SCFD2: variants seen among roughly 807,000 people sequenced by gnomAD.
SCFD2 encodes the protein sec1 family domain containing 2.
Under a neutral mutation model 58.9 loss-of-function variants are expected in SCFD2, and 54 were observed. That is an observed-to-expected ratio of 0.92 (90% CI 0.74 to 1.15). The LOEUF (loss-of-function observed/expected upper bound fraction) is 1.15. SCFD2 is among the 50% of genes most tolerant of loss of function. The pLI is 0.00. For missense variants in SCFD2, 805 were observed against 836.6 expected, an observed-to-expected ratio of 0.96 and a Z score of 0.47; for synonymous variants, 321 against 335.9, an observed-to-expected ratio of 0.96 and a Z score of 0.49.
rs985304716 is a variant in SCFD2 at position 52,962,672 on chromosome 4, G to T, written c.1562-41802C>A. On this transcript the variant is annotated intron_variant, in intron 5 of 8. Transcript: ENST00000401642. ...TTAATGCTATGATGAAAATAGTTTA[G>T]AGGGGGGCAGCATTACTGAAACAGG... 4.8e-4 allele frequency among the ~76,000 whole-genome samples: 72 copies of T among 149,970 alleles called. 1 individual carries two copies. Among genetic ancestry groups the T allele is most frequent in the Non-Finnish European group, 4.1e-4 (28 of 67,604 alleles).
In SCFD2 at chr4:53,153,794, C is replaced by T. The variant is rs373358717; in HGVS notation, c.1312-8212G>A. ...ATTCCAACTTTAAGTAATTTTTTTGCTCCTATATCTGGTCATAGGTTGTTA... is the reference window on the plus strand; with the variant it reads ...ATTCCAACTTTAAGTAATTTTTTTGTTCCTATATCTGGTCATAGGTTGTTA... On this transcript the variant is annotated intron_variant, in intron 4 of 8. Transcript: ENST00000401642. Among the ~76,000 whole-genome samples, 103 of 152,174 alleles carry T rather than the reference C, an allele frequency of 6.8e-4. 2 individuals are homozygous for T. The East Asian group carries it at 0.018, about 26-fold the overall frequency.
At chr4:53,079,040 A>G (rs1016163284) in intron 5 of SCFD2, among the ~76,000 whole-genome samples, 7 of 152,310 alleles carry the variant, frequency 4.6e-5, no homozygotes, top group Admixed American at 3.9e-4. Context: ...GAAGTGGCTC[A>G]CATAACTATA....
intron 6 of SCFD2, among the ~76,000 whole-genome samples, chr4:52,915,510 T>C (rs1396410209): frequency 1.3e-5 from 2 of 152,190 alleles, no homozygotes; most frequent in Non-Finnish European, 2.9e-5. Context: ...AAGATGACTG[T>C]TTTTTCTCCT....
chr4:53,196,477 C>A (rs1480267630), intron 4 of SCFD2, among the ~76,000 whole-genome samples: 1 of 152,124 alleles, frequency 6.6e-6, no homozygotes, highest in African/African-American at 2.4e-5. Context: ...AAAGCAGATT[C>A]TTGTTATAAA....
At chr4:52,908,597 C>G (rs1719406007) in intron 6 of SCFD2, among the ~76,000 whole-genome samples, 1 of 152,172 alleles carries the variant, frequency 6.6e-6, no homozygotes, top group Non-Finnish European at 1.5e-5. Context: ...TGTGACTTGT[C>G]TGTAGCAACT....
chr4:53,231,948 CT>C (rs1405487456), intron 4 of SCFD2, among the ~76,000 whole-genome samples: 1 of 151,968 alleles, frequency 6.6e-6, no homozygotes, highest in African/African-American at 2.4e-5. Context: ...GATTTTATGT[CT>C]TTGTACTTTA....
intron 5 of SCFD2, among the ~76,000 whole-genome samples, chr4:53,074,778 C>T (rs75152615): frequency 0.017 from 2,557 of 152,186 alleles, 75 homozygotes; most frequent in African/African-American, 0.059. Context: ...CAGTAAGCCA[C>T]GCTGTAAACA....
At chr4:52,944,840 G>A (rs1720384080) in intron 5 of SCFD2, among the ~76,000 whole-genome samples, 1 of 152,152 alleles carries the variant, frequency 6.6e-6, no homozygotes, top group Admixed American at 6.6e-5. Context: ...TCCTTCTGAA[G>A]TCCCCTCCCT....
intron 5 of SCFD2, among the ~76,000 whole-genome samples, chr4:53,060,591 G>C (rs1723481395): frequency 6.6e-6 from 1 of 151,884 alleles, no homozygotes. Context: ...GGCTACCTTT[G>C]GTGTGATATC....
At chr4:53,340,028 C>T (rs935771552) in intron 2 of SCFD2, among the ~76,000 whole-genome samples, 4 of 152,144 alleles carry the variant, frequency 2.6e-5, no homozygotes, top group Admixed American at 2.0e-4. Context: ...GTCTACAGTT[C>T]CCAGTGAGAG....
intron 2 of SCFD2, among the ~76,000 whole-genome samples, chr4:53,334,646 A>C (rs1733617415): frequency 6.6e-6 from 1 of 151,528 alleles, no homozygotes; most frequent in Non-Finnish European, 1.5e-5. Context: ...GATATACCTA[A>C]TGCTAGATGA....
chr4:53,157,868 G>A (rs1035578792), intron 4 of SCFD2, among the ~76,000 whole-genome samples: 1 of 152,168 alleles, frequency 6.6e-6, no homozygotes, highest in Non-Finnish European at 1.5e-5. Context: ...TACGTTGTTA[G>A]AGAGAAAGGC....
intron 3 of SCFD2, among the ~76,000 whole-genome samples, chr4:53,298,275 C>G (rs1415828498): frequency 6.6e-6 from 1 of 152,206 alleles, no homozygotes; most frequent in Non-Finnish European, 1.5e-5. Flanking sequence ...ATGGGCTTAT[C>G]AAACAGCACA....
At position 53,299,615 on chromosome 4, in the gene SCFD2, C is replaced by T. The variant is rs1375515393; in HGVS notation, c.1135+14021G>A. 4.0e-5 allele frequency among the ~76,000 whole-genome samples: 6 copies of T among 151,888 alleles called. 1 individual carries two copies. The highest frequency in any genetic ancestry group is 1.9e-4 in the East Asian group (1 of 5,182). ...CAGAGAATACCACAAAGATAATCCTCGAGAAGAGCAACTCCAAGACACATA... is the reference window on the plus strand; with the variant it reads ...CAGAGAATACCACAAAGATAATCCTTGAGAAGAGCAACTCCAAGACACATA... On this transcript the variant is annotated intron_variant, in intron 3 of 8. Transcript: ENST00000401642.
chr4:53,126,556 T>C (rs1725635026), intron 5 of SCFD2, among the ~76,000 whole-genome samples: 1 of 152,230 alleles, frequency 6.6e-6, no homozygotes, highest in Admixed American at 6.5e-5. Flanking sequence ...CTTTAAGTGA[T>C]CTGCCCGCCT....
chr4:53,036,240 T>C (rs1275559886), intron 5 of SCFD2, among the ~76,000 whole-genome samples: 4 of 151,574 alleles, frequency 2.6e-5, no homozygotes, highest in African/African-American at 9.7e-5. Flanking sequence ...CCCTGGTGTG[T>C]GATGGTCCCC....
intron 5 of SCFD2, among the ~76,000 whole-genome samples, chr4:53,019,452 T>A (rs1722294702): frequency 6.6e-6 from 1 of 152,216 alleles, no homozygotes; most frequent in South Asian, 2.1e-4. Flanking sequence ...AAATTCTATT[T>A]AAAATGTTTA....
At chr4:53,346,939 T>G (rs756246230) in intron 2 of SCFD2, among the ~76,000 whole-genome samples, 3 of 152,166 alleles carry the variant, frequency 2.0e-5, no homozygotes, top group Non-Finnish European at 4.4e-5. Flanking sequence ...ACAAATAACT[T>G]TCACATGATT....
intron 5 of SCFD2, among the ~76,000 whole-genome samples, chr4:53,054,080 A>T (rs561926255): frequency 1.1e-4 from 16 of 151,966 alleles, no homozygotes; most frequent in African/African-American, 3.6e-4. Context: ...GTGTCTCTTC[A>T]TCCTCCCCTC....
Sources: allele counts gnomAD v4.1 joint callset (sites outside exome capture counted in the v4.1 genomes callset), GRCh38; gene constraint gnomAD v4.1.1; transcripts MANE v1.5; gene names NCBI Gene and HGNC (gene_info 2026-07-23, HGNC 2026-07-21).